The following ADSS2 variants were observed in gnomAD, a reference collection of about 807,000 sequenced individuals.
ADSS2 encodes the protein adenylosuccinate synthetase isozyme 2.
Under a neutral mutation model 60.0 loss-of-function variants are expected in ADSS2, and 30 were observed. The ratio of observed to expected loss-of-function variants is 0.50; its 90% CI spans 0.37 to 0.68. The LOEUF (loss-of-function observed/expected upper bound fraction) is 0.68, where lower values mean the gene tolerates loss of function less well. Among genes scored for constraint, ADSS2 ranks in the 30% least tolerant of loss-of-function variants. The pLI is 0.00. For missense variants in ADSS2, 373 were observed against 554.8 expected (o/e 0.67, Z 3.29); for synonymous variants, 187 against 193.1 (o/e 0.97, Z 0.26).
At chr1:244,432,693 T>C (rs1039263551) in intron 3 of ADSS2, 98 bp from the exon 4 acceptor site, 63 of 713,094 alleles carry the variant, frequency 8.8e-5, no homozygotes, top group Non-Finnish European at 1.3e-4. Flanking sequence ...AGACAGAGTC[T>C]CGCTCTGTCA....
In ADSS2 at chr1:244,432,660, C is replaced by CTTTTTTTTTTTTTTTTTTTT. The variant is rs532312490; in HGVS notation, c.356-85_356-66dup. ...TATAGCAGTTTTAAAATCTTAATTT[C>CTTTTTTTTTTTTTTTTTTTT]TTTTTTTTTTTTTTTTTTTTTGAGA... On this transcript the variant is annotated intron_variant, in intron 3 of 12. Coordinates refer to ENST00000366535, the MANE Select transcript of ADSS2 (RefSeq NM_001126.5). The CTTTTTTTTTTTTTTTTTTTT allele has an allele frequency of 5.9e-6, 2 of 338,404 alleles. 1 individual carries two copies. The highest frequency in any genetic ancestry group is 9.4e-6 in the Non-Finnish European group (2 of 212,930). 21.0% of individuals were successfully genotyped at this position (338,404 alleles called of 1,614,324 possible). A position where few individuals can be genotyped will look rare whatever the true frequency, so the allele number is the denominator to read the frequency against.
intron 3 of ADSS2, among the ~76,000 whole-genome samples, chr1:244,434,453 A>G (rs1359344154): frequency 2.0e-5 from 3 of 152,336 alleles, no homozygotes; most frequent in East Asian, 3.9e-4. Context: ...AAACATTTCA[A>G]AACTAATCTT....
chr1:244,435,404 C>G (rs761953095), intron 3 of ADSS2, among the ~76,000 whole-genome samples: 1 of 151,910 alleles, frequency 6.6e-6, no homozygotes, highest in Non-Finnish European at 1.5e-5. Flanking sequence ...GGGTGGGGCT[C>G]AAATATATAC....
rs1158423134 is a variant in ADSS2, at chr1:244,451,800, G to A, written c.18C>T (p.Thr6=). 6.3e-7 allele frequency: 1 copy of A among 1,592,254 alleles called. No individual in the cohort carries two copies. Among genetic ancestry groups the A allele is most frequent in the South Asian group, 1.1e-5 (1 of 88,262 alleles). Reference sequence around the variant, plus strand: ...TGGGCAGGGAGGATGCCGCCGGGTAGGTCTCGGCGAACGCCATGGCTCCAG... The same window carrying A: ...TGGGCAGGGAGGATGCCGCCGGGTAAGTCTCGGCGAACGCCATGGCTCCAG... MAFAE[T]YPAASSLPNG... Residue 6 remains threonine, a synonymous_variant, in exon 1 of 13, where the codon ACC becomes ACT. Coordinates refer to ENST00000366535, the MANE Select transcript of ADSS2 (RefSeq NM_001126.5). The surrounding 1 kb of genome is among the most constrained non-coding windows in gnomAD (Gnocchi z 6.6).
intron 3 of ADSS2, among the ~76,000 whole-genome samples, chr1:244,435,709 G>A (rs944192805): frequency 6.6e-6 from 1 of 151,842 alleles, no homozygotes; most frequent in African/African-American, 2.4e-5. Context: ...CAACATTCTT[G>A]ACTCTGAATT....
chr1:244,437,904 T>G, intron 1 of ADSS2, 136 bp from the exon 2 acceptor site: 1 of 675,014 alleles, frequency 1.5e-6, no homozygotes, highest in Non-Finnish European at 2.6e-6. Context: ...CTCTACTCAT[T>G]TGTAAAAGGC....
intron 7 of ADSS2, 96 bp downstream of exon 7, chr1:244,422,739 C>A: frequency 1.1e-6 from 1 of 881,914 alleles, no homozygotes; most frequent in Non-Finnish European, 1.8e-6. Context: ...TTTCCTTTGC[C>A]AGTTCTTACC....
At chr1:244,423,089 ATAAG>A (rs1276472149) in intron 6 of ADSS2, among the ~76,000 whole-genome samples, 173 bp from the exon 7 acceptor site, 3 of 152,242 alleles carry the variant, frequency 2.0e-5, no homozygotes, top group Non-Finnish European at 4.4e-5. Context: ...AGCCATATGA[ATAAG>A]TAAGACATTC....
At chr1:244,418,324 CTTTAT>C (rs1373315848) in intron 9 of ADSS2, among the ~76,000 whole-genome samples, 19 of 152,128 alleles carry the variant, frequency 1.2e-4, no homozygotes, top group Admixed American at 7.2e-4. Context: ...TTTTTGTTGA[CTTTAT>C]TTTATCTTTT....
rs56001597 is a variant in ADSS2 at position 244,444,514 on chromosome 1, CAAAAAAA to C, written c.184-6753_184-6747del. On this transcript the variant is annotated intron_variant, in intron 1 of 12. Coordinates refer to ENST00000366535, the MANE Select transcript of ADSS2 (RefSeq NM_001126.5). ...TGGGCGACAGAGCGAGACTCCATCT[CAAAAAAA>C]AAAAAAAAAAAAAAAGATGAAATAC... 5.4e-3 allele frequency among the ~76,000 whole-genome samples: 231 copies of C among 42,564 alleles called. 15 individuals are homozygous for C. Among genetic ancestry groups the C allele is most frequent in the Admixed American group, 7.6e-3 (26 of 3,430 alleles). The allele number at this position is 42,564 out of a possible 152,430, so 27.9% of individuals were successfully genotyped here.
chr1:244,432,424 C>T (rs1664966683), intron 4 of ADSS2, 121 bp downstream of exon 4: 1 of 710,118 alleles, frequency 1.4e-6, no homozygotes, highest in Non-Finnish European at 2.2e-6. Context: ...AACTCAATTA[C>T]TACAATCCAT....
chr1:244,445,553 G>A (rs1665363412), intron 1 of ADSS2, among the ~76,000 whole-genome samples: 2 of 151,902 alleles, frequency 1.3e-5, no homozygotes, highest in South Asian at 4.2e-4. Flanking sequence ...CAGAACCAGA[G>A]GCTGTCAAAT....
chr1:244,422,989 T>C, intron 6 of ADSS2, 73 bp from the exon 7 acceptor site: 1 of 1,021,420 alleles, frequency 9.8e-7, no homozygotes, highest in South Asian at 1.7e-5. Flanking sequence ...TTCATTCAAA[T>C]GGTTTCTGCA....
chr1:244,444,995 C>T (rs1269891707), intron 1 of ADSS2, among the ~76,000 whole-genome samples: 3 of 152,148 alleles, frequency 2.0e-5, no homozygotes, highest in African/African-American at 4.8e-5. Context: ...GCAAACTGAT[C>T]CAGGCAGGGA....
intron 1 of ADSS2, among the ~76,000 whole-genome samples, chr1:244,439,984 GCA>G (rs1665196778): frequency 1.3e-5 from 2 of 152,328 alleles, no homozygotes; most frequent in Admixed American, 6.5e-5. Flanking sequence ...CTGCCTCGAA[GCA>G]CACAGATTCT....
intron 1 of ADSS2, among the ~76,000 whole-genome samples, chr1:244,441,192 G>A (rs1257830067): frequency 6.6e-6 from 1 of 151,882 alleles, no homozygotes; most frequent in African/African-American, 2.4e-5. Flanking sequence ...CCAAGTAGCT[G>A]GGACTACAGG....
intron 1 of ADSS2, among the ~76,000 whole-genome samples, chr1:244,447,221 C>T (rs1246366988): frequency 6.6e-6 from 1 of 152,184 alleles, no homozygotes; most frequent in East Asian, 1.9e-4. Flanking sequence ...ACATCTGACA[C>T]AGTCCCTGAG....
chr1:244,435,054 G>A (rs1410762708), intron 3 of ADSS2, among the ~76,000 whole-genome samples: 1 of 150,540 alleles, frequency 6.6e-6, no homozygotes, highest in Non-Finnish European at 1.5e-5. Context: ...TATCGTCCCA[G>A]CTACTCAGAA....
In ADSS2 at chr1:244,409,491, G is replaced by A. The variant is rs1664362312; in HGVS notation, c.*95C>T. 2 of 981,622 alleles carry A rather than the reference G, an allele frequency of 2.0e-6. No homozygotes were observed. Among genetic ancestry groups the A allele is most frequent in the African/African-American group, 1.6e-5 (1 of 61,838 alleles). 60.8% of individuals were successfully genotyped at this position (981,622 alleles called of 1,614,324 possible). A position where few individuals can be genotyped will look rare whatever the true frequency, so the allele number is the denominator to read the frequency against. On this transcript the variant is annotated 3_prime_UTR_variant, in exon 13 of 13. Transcript: ENST00000366535. ...TGTAGGGCTTCAAACTTACTTCAGT[G>A]TCTTTATTCTTGAATTTGCAGGTCA...
Sources: gnomAD v4.1 joint callset for allele counts (sites outside exome capture counted in the v4.1 genomes callset) on GRCh38, gnomAD v4.1.1 for gene constraint, Gnocchi (gnomAD v3.1) non-coding constraint, MANE v1.5 for transcripts, NCBI Gene and HGNC (gene_info 2026-07-23, HGNC 2026-07-21) for gene names.